The following WBP1L variants were observed in gnomAD, a reference collection of about 807,000 sequenced individuals.
The protein encoded by WBP1L is WW domain binding protein 1 like.
WBP1L carries 17 observed loss-of-function variants against 33.7 expected under a neutral mutation model. The ratio of observed to expected loss-of-function variants is 0.50; its 90% confidence interval spans 0.34 to 0.76. WBP1L has a LOEUF of 0.76. Among genes scored for constraint, WBP1L ranks in the 30% least tolerant of loss-of-function variants. WBP1L has a pLI of 0.01. For synonymous variants in WBP1L, 173 were observed against 190.8 expected (o/e 0.91, Z 0.77); for missense variants, 389 against 469.4 (o/e 0.83, Z 1.58).
intron 1 of WBP1L, among the ~76,000 whole-genome samples, chr10:102,764,634 A>G (rs950031742): frequency 6.6e-6 from 1 of 152,004 alleles, no homozygotes; most frequent in African/African-American, 2.4e-5. Context: ...GTGTGGACAT[A>G]TTTGTTCCAG....
intron 1 of WBP1L, among the ~76,000 whole-genome samples, chr10:102,750,285 C>T (rs2134024476): frequency 6.6e-6 from 1 of 151,324 alleles, no homozygotes; most frequent in Non-Finnish European, 1.5e-5. Flanking sequence ...ATCCCAGCTA[C>T]TCAGGAGGCT....
intron 3 of WBP1L, among the ~76,000 whole-genome samples, chr10:102,810,482 C>T (rs1281949422): frequency 3.6e-5 from 2 of 55,620 alleles, no homozygotes; most frequent in Non-Finnish European, 8.4e-5. Context: ...TCCCTCCTTC[C>T]TTCCTTCCCT....
intron 1 of WBP1L, among the ~76,000 whole-genome samples, chr10:102,749,526 G>A (rs756474597): frequency 4.0e-5 from 6 of 151,580 alleles, no homozygotes; most frequent in South Asian, 2.1e-4. Flanking sequence ...TTGCCCAGGT[G>A]GGTCTAGAAC....
chr10:102,803,879 G>T (rs912903342), intron 2 of WBP1L: 4 of 151,936 alleles, frequency 2.6e-5, no homozygotes, highest in Admixed American at 6.6e-5. Context: ...TTCTAGCCTT[G>T]AGCCACCGCG....
chr10:102,812,456 C>A, intron 3 of WBP1L, 139 bp from the exon 4 acceptor site: 2 of 1,047,402 alleles, frequency 1.9e-6, no homozygotes, highest in Non-Finnish European at 2.7e-6. Context: ...CTCCTCTGCT[C>A]ACAACCAAGA....
intron 3 of WBP1L, among the ~76,000 whole-genome samples, chr10:102,810,459 TTCCTTCCTTCCTTCCC>T (rs1177353556): frequency 6.5e-5 from 6 of 91,824 alleles, no homozygotes; most frequent in African/African-American, 7.9e-5. Flanking sequence ...CTCCCTTCTT[TTCCTTCCTTCCTTCCC>T]TCCTTCCTTC....
intron 2 of WBP1L, among the ~76,000 whole-genome samples, chr10:102,803,202 C>G (rs918752418): frequency 2.9e-4 from 44 of 152,196 alleles, no homozygotes; most frequent in African/African-American, 9.9e-4. Flanking sequence ...AAATTCAGGC[C>G]TTTTCCACTG....
intron 2 of WBP1L, among the ~76,000 whole-genome samples, chr10:102,805,442 CT>C (rs35567690): frequency 1.2e-3 from 181 of 144,876 alleles, no homozygotes; most frequent in Admixed American, 1.2e-3. Flanking sequence ...TGCTGGCTAT[CT>C]TTTTTTTTTT....
At chr10:102,776,120 C>G in intron 1 of WBP1L, 1 of 1,347,600 alleles carries the variant, frequency 7.4e-7, no homozygotes, top group Admixed American at 3.1e-5. Flanking sequence ...GTCATTTCCC[C>G]CTTGGCAGAC....
At chr10:102,754,972 T>G (rs1842958822) in intron 1 of WBP1L, among the ~76,000 whole-genome samples, 1 of 151,204 alleles carries the variant, frequency 6.6e-6, no homozygotes, top group Non-Finnish European at 1.5e-5. Flanking sequence ...TTTTTTGAGA[T>G]GAAGTCTCGC....
chr10:102,752,552 T>C (rs1047182316), intron 1 of WBP1L, among the ~76,000 whole-genome samples: 41 of 152,348 alleles, frequency 2.7e-4, no homozygotes, highest in African/African-American at 9.9e-4. Context: ...TCTTGAACTT[T>C]CTTTCCTCTT....
At chr10:102,795,207 A>T (rs749942543) in intron 1 of WBP1L, among the ~76,000 whole-genome samples, 1 of 152,228 alleles carries the variant, frequency 6.6e-6, no homozygotes, top group Non-Finnish European at 1.5e-5. Context: ...AGAGGATTTT[A>T]CCAAACCATA....
chr10:102,793,216 C>T (rs1362144549), intron 1 of WBP1L, among the ~76,000 whole-genome samples: 3 of 152,038 alleles, frequency 2.0e-5, no homozygotes, highest in Admixed American at 6.6e-5. Context: ...CAAGATGGGA[C>T]GATTGCTTAA....
chr10:102,793,865 C>A (rs61870781), intron 1 of WBP1L, among the ~76,000 whole-genome samples: 1 of 152,014 alleles, frequency 6.6e-6, no homozygotes, highest in African/African-American at 2.4e-5. Context: ...ACCTTCTGGG[C>A]TCAAGCAGTC....
At chr10:102,793,250 G>C (rs1287818082) in intron 1 of WBP1L, among the ~76,000 whole-genome samples, 7 of 152,110 alleles carry the variant, frequency 4.6e-5, no homozygotes, top group Admixed American at 2.0e-4. Context: ...AGATCTGCCT[G>C]AGCAACATAG....
At chr10:102,797,908 A>G (rs1032466358) in intron 1 of WBP1L, 85 bp from the exon 2 acceptor site, 2 of 1,256,116 alleles carry the variant, frequency 1.6e-6, no homozygotes, top group African/African-American at 1.5e-5. Context: ...GGGCTGGTGA[A>G]TAGACAACCA....
At chr10:102,795,845 G>C (rs910648276) in intron 1 of WBP1L, among the ~76,000 whole-genome samples, 4 of 152,240 alleles carry the variant, frequency 2.6e-5, no homozygotes, top group African/African-American at 9.6e-5. Context: ...TGAAGTCAAA[G>C]AGTGTGTGTT....
At chr10:102,752,649 C>T (rs1371988260) in intron 1 of WBP1L, among the ~76,000 whole-genome samples, 1 of 152,122 alleles carries the variant, frequency 6.6e-6, no homozygotes, top group East Asian at 1.9e-4. Flanking sequence ...TTTCTGTGTC[C>T]TCCATAGTCC....
intron 1 of WBP1L, among the ~76,000 whole-genome samples, chr10:102,781,115 C>T (rs1843329075): frequency 6.6e-6 from 1 of 152,122 alleles, no homozygotes; most frequent in Non-Finnish European, 1.5e-5. Flanking sequence ...TGAGCTGGTC[C>T]CTGGGCTGAT....
Sources: gnomAD v4.1 joint callset for allele counts (sites outside exome capture counted in the v4.1 genomes callset) on GRCh38, gnomAD v4.1.1 for gene constraint, MANE v1.5 for transcripts, NCBI Gene and HGNC (gene_info 2026-07-23, HGNC 2026-07-21) for gene names.